CHCHD6: variants seen among roughly 807,000 people sequenced by gnomAD.
CHCHD6 encodes coiled-coil-helix-coiled-coil-helix domain containing 6.
A neutral mutation model predicts 32.3 loss-of-function variants in CHCHD6; 28 were observed. The observed-to-expected ratio is 0.87, with a 90% CI of 0.64 to 1.19. The LOEUF is 1.19. Among genes scored for constraint, CHCHD6 ranks in the 50% most tolerant of loss-of-function variants. CHCHD6 has a pLI of 0.00. For missense variants in CHCHD6, 333 were observed against 307.0 expected, an observed-to-expected ratio of 1.08 and a Z score of -0.63; for synonymous variants, 122 against 117.5, an observed-to-expected ratio of 1.04 and a Z score of -0.25.
chr3:126,958,493 A>G (rs1576653756), intron 7 of CHCHD6, among the ~76,000 whole-genome samples: 1 of 152,320 alleles, frequency 6.6e-6, no homozygotes, highest in Non-Finnish European at 1.5e-5. Flanking sequence ...CTCTCCAGCC[A>G]TGTCCAAGGG....
intron 1 of CHCHD6, among the ~76,000 whole-genome samples, chr3:126,711,898 A>G (rs1934763296): frequency 6.6e-6 from 1 of 152,302 alleles, no homozygotes; most frequent in East Asian, 1.9e-4. Flanking sequence ...TTGAGTACAC[A>G]CTGTGTGCCG....
At chr3:126,816,890 G>A (rs1365003312) in intron 4 of CHCHD6, among the ~76,000 whole-genome samples, 2 of 151,934 alleles carry the variant, frequency 1.3e-5, no homozygotes, top group African/African-American at 4.8e-5. Context: ...AGGCCCTGGT[G>A]TGTGATGTTC....
chr3:126,953,066 T>A, intron 6 of CHCHD6: 1 of 985,516 alleles, frequency 1.0e-6, no homozygotes, highest in Non-Finnish European at 1.2e-6. Flanking sequence ...CGGGCCGTCT[T>A]GGGCATCACC....
chr3:126,721,388 G>A (rs1392670944), intron 1 of CHCHD6, among the ~76,000 whole-genome samples: 1 of 152,174 alleles, frequency 6.6e-6, no homozygotes, highest in African/African-American at 2.4e-5. Context: ...GCCTTCTGCA[G>A]ACATCGCTGC....
intron 5 of CHCHD6, among the ~76,000 whole-genome samples, chr3:126,911,513 T>G (rs1559917896): frequency 1.3e-5 from 2 of 152,182 alleles, no homozygotes. Context: ...AGGACATCCG[T>G]CCCTGTAGGT....
intron 6 of CHCHD6, among the ~76,000 whole-genome samples, chr3:126,916,674 C>T (rs2078175950): frequency 6.6e-6 from 1 of 152,210 alleles, no homozygotes; most frequent in African/African-American, 2.4e-5. Context: ...GTGGTCAGCT[C>T]TCGACCTGTT....
chr3:126,827,675 A>G (rs906132337), intron 4 of CHCHD6, among the ~76,000 whole-genome samples: 4 of 152,322 alleles, frequency 2.6e-5, no homozygotes, highest in South Asian at 2.1e-4. Flanking sequence ...CCATGTGCCA[A>G]TCACTATTGT....
chr3:126,847,066 TAATC>T (rs1368628174), intron 4 of CHCHD6, among the ~76,000 whole-genome samples: 2 of 152,212 alleles, frequency 1.3e-5, no homozygotes. Context: ...AGGGTGAGAT[TAATC>T]AGTTCATATA....
At chr3:126,915,348 G>A (rs896836534) in intron 6 of CHCHD6, among the ~76,000 whole-genome samples, 10 of 152,356 alleles carry the variant, frequency 6.6e-5, no homozygotes, top group Non-Finnish European at 8.8e-5. Flanking sequence ...CAGCTGGAAC[G>A]TCACAGGAGC....
intron 4 of CHCHD6, among the ~76,000 whole-genome samples, chr3:126,796,071 G>A (rs1237713997): frequency 6.6e-6 from 1 of 152,176 alleles, no homozygotes; most frequent in Non-Finnish European, 1.5e-5. Context: ...TTGGCCAGGT[G>A]TAGTGGCTCA....
intron 5 of CHCHD6, among the ~76,000 whole-genome samples, chr3:126,884,930 C>CGGT (rs2077659228): frequency 6.6e-6 from 1 of 152,198 alleles, no homozygotes; most frequent in Non-Finnish European, 1.5e-5. Flanking sequence ...CCATTTGTGC[C>CGGT]GGTGGAGGTT....
At chr3:126,802,177 G>A (rs1457406098) in intron 4 of CHCHD6, among the ~76,000 whole-genome samples, 1 of 152,248 alleles carries the variant, frequency 6.6e-6, no homozygotes. Context: ...CCAAAGGAAT[G>A]CAGTTCCTTA....
intron 4 of CHCHD6, among the ~76,000 whole-genome samples, chr3:126,788,478 TATTA>T (rs934044332): frequency 6.6e-6 from 1 of 152,226 alleles, no homozygotes; most frequent in African/African-American, 2.4e-5. Flanking sequence ...GTTGGTAAGC[TATTA>T]ATTATTGTCT....
intron 7 of CHCHD6, among the ~76,000 whole-genome samples, chr3:126,958,220 C>T (rs555506888): frequency 1.8e-3 from 274 of 151,876 alleles, no homozygotes; most frequent in African/African-American, 6.2e-3. Flanking sequence ...GGTCCCGTAG[C>T]GTCCTCTGGT....
At chr3:126,917,366 G>C (rs1252717465) in intron 6 of CHCHD6, among the ~76,000 whole-genome samples, 1 of 152,114 alleles carries the variant, frequency 6.6e-6, no homozygotes, top group Non-Finnish European at 1.5e-5. Flanking sequence ...GTTTGTCTTT[G>C]CATCATTGCT....
At chr3:126,711,508 C>CT (rs1278131717) in intron 1 of CHCHD6, among the ~76,000 whole-genome samples, 1 of 152,198 alleles carries the variant, frequency 6.6e-6, no homozygotes, top group Non-Finnish European at 1.5e-5. Flanking sequence ...ATCCTGTTCA[C>CT]TCTAGAATGT....
intron 4 of CHCHD6, 75 bp from the exon 5 acceptor site, chr3:126,852,572 C>T (rs571303066): frequency 7.0e-5 from 71 of 1,011,662 alleles, no homozygotes; most frequent in Middle Eastern, 2.1e-4. Context: ...CAGAAATGTC[C>T]GTCGCCTTCT....
intron 4 of CHCHD6, among the ~76,000 whole-genome samples, chr3:126,734,450 T>C (rs930152584): frequency 6.6e-6 from 1 of 152,160 alleles, no homozygotes; most frequent in South Asian, 2.1e-4. Flanking sequence ...GGGATTGTGC[T>C]CTCCTGGGAG....
intron 5 of CHCHD6, among the ~76,000 whole-genome samples, chr3:126,883,845 C>T (rs962376883): frequency 5.9e-5 from 9 of 152,136 alleles, no homozygotes; most frequent in African/African-American, 1.7e-4. Flanking sequence ...TTAGAAAATA[C>T]CTTTTCAAAG....
Sources: allele counts gnomAD v4.1 joint callset (sites outside exome capture counted in the v4.1 genomes callset), GRCh38; gene constraint gnomAD v4.1.1; transcripts MANE v1.5; gene names NCBI Gene and HGNC (gene_info 2026-07-23, HGNC 2026-07-21).